The following ADGRL2 variants were observed in gnomAD, a reference collection of about 807,000 sequenced individuals.
ADGRL2 encodes the protein adhesion G protein-coupled receptor L2, also known as calcium-independent alpha-latrotoxin receptor 2.
ADGRL2 carries 44 observed loss-of-function variants against 157.4 expected under a neutral mutation model. That is an observed-to-expected ratio of 0.28 (90% confidence interval 0.22 to 0.36). The LOEUF (loss-of-function observed/expected upper bound fraction) is 0.36. Ranked by LOEUF, ADGRL2 falls within the 10% of genes least tolerant of loss-of-function variation. ADGRL2 has a pLI of 1.00. For missense variants in ADGRL2, 1,510 were observed against 1,768.9 expected (o/e 0.85, Z 2.63); for synonymous variants, 585 against 624.7 (o/e 0.94, Z 0.95).
At chr1:81,453,382 A>G (rs370784580) in intron 2 of ADGRL2, among the ~76,000 whole-genome samples, 2 of 152,214 alleles carry the variant, frequency 1.3e-5, no homozygotes, top group East Asian at 1.9e-4. Flanking sequence ...GTAAATCAGT[A>G]AGTTTACAGA....
chr1:81,657,129 G>GAATATTTGT (rs1348455575), intron 3 of ADGRL2, among the ~76,000 whole-genome samples: 1 of 152,064 alleles, frequency 6.6e-6, no homozygotes, highest in Non-Finnish European at 1.5e-5. Context: ...ATGGTGCTAT[G>GAATATTTGT]GTCTAAATAT....
chr1:81,307,189 C>G (rs1659400453), intron 1 of ADGRL2, among the ~76,000 whole-genome samples: 1 of 152,130 alleles, frequency 6.6e-6, no homozygotes, highest in Non-Finnish European at 1.5e-5. Flanking sequence ...CTTTAAAAAA[C>G]CTGAATGTTT....
chr1:81,990,393 C>T lies in ADGRL2; in HGVS notation c.3658C>T (p.His1220Tyr). The stretch of plus-strand genomic sequence containing the variant: ...TAACTCCCCCTCTTCTGTTTCAGGA[C>T]ATTCACTGAACAATGCCAGGGATAC... ...NSPATYRETR[H>Y]SLNNARDTSA... The change falls in exon 24 of 24, where the codon CAT becomes TAT. Residue 1220 changes from histidine (H) to tyrosine (Y), a missense_variant and splice_region_variant. Around this residue, in one of 4 missense-constraint regions of ADGRL2, gnomAD observed 327 missense variants for 310.1 expected, o/e 1.05. Coordinates refer to ENST00000686636, the MANE Select transcript of ADGRL2 (RefSeq NM_001366006.2). 6.2e-7 allele frequency: 1 copy of T among 1,611,510 alleles called. No homozygotes were observed. Among genetic ancestry groups the T allele is most frequent in the Non-Finnish European group, 8.5e-7 (1 of 1,178,170 alleles).
intron 2 of ADGRL2, among the ~76,000 whole-genome samples, chr1:81,509,983 A>G (rs1001049836): frequency 2.0e-5 from 3 of 152,198 alleles, no homozygotes; most frequent in Non-Finnish European, 2.9e-5. Context: ...AGTCAAGTCC[A>G]AAAAAAGAAA....
intron 1 of ADGRL2, among the ~76,000 whole-genome samples, chr1:81,359,361 A>C (rs988265382): frequency 1.2e-4 from 19 of 152,234 alleles, no homozygotes; most frequent in Non-Finnish European, 2.2e-4. Flanking sequence ...TGTAAAGCTT[A>C]CAGTCTTTAG....
intron 3 of ADGRL2, among the ~76,000 whole-genome samples, chr1:81,660,928 G>T (rs942565483): frequency 2.6e-5 from 4 of 152,186 alleles, no homozygotes; most frequent in Non-Finnish European, 4.4e-5. Context: ...TTAGAGGAGA[G>T]TTCAGGGTGA....
At chr1:81,711,277 TA>T (rs1396123465) in intron 1 of ADGRL2, among the ~76,000 whole-genome samples, 1 of 152,212 alleles carries the variant, frequency 6.6e-6, no homozygotes, top group Non-Finnish European at 1.5e-5. Flanking sequence ...ATTCATTGTT[TA>T]AAAAATATCT....
At chr1:81,467,176 C>A (rs537676190) in intron 2 of ADGRL2, among the ~76,000 whole-genome samples, 1 of 152,168 alleles carries the variant, frequency 6.6e-6, no homozygotes, top group South Asian at 2.1e-4. Context: ...GCTGTATATA[C>A]ACATCATAAC....
chr1:81,333,455 G>A lies in ADGRL2; in HGVS notation c.-302+26946G>A, dbSNP rs185444987. On this transcript the variant is annotated intron_variant, in intron 1 of 24. Transcript: ENST00000370721. ...TTTTGAGACGGAGTCTCACTCTATCGCCCAGGCTGGAGTGCAGTGGCACCA... is the reference window on the plus strand; with the variant it reads ...TTTTGAGACGGAGTCTCACTCTATCACCCAGGCTGGAGTGCAGTGGCACCA... Among the ~76,000 whole-genome samples the A allele has an allele frequency of 1.8e-4, 28 of 151,508 alleles. 1 individual carries two copies. The highest frequency in any genetic ancestry group is 6.8e-3 in the Middle Eastern group (2 of 294).
chr1:81,339,823 C>G (rs1318568919), intron 1 of ADGRL2, among the ~76,000 whole-genome samples: 2 of 152,190 alleles, frequency 1.3e-5, no homozygotes, highest in African/African-American at 2.4e-5. Flanking sequence ...TTTCCTTTCT[C>G]TGACCTAAAA....
At chr1:81,765,574 A>G (rs929362351) in intron 2 of ADGRL2, among the ~76,000 whole-genome samples, 37 of 152,020 alleles carry the variant, frequency 2.4e-4, no homozygotes, top group African/African-American at 8.2e-4. Flanking sequence ...TCAGCATTCC[A>G]ATTTTTTCTA....
intron 1 of ADGRL2, among the ~76,000 whole-genome samples, chr1:81,363,231 T>C (rs2076008198): frequency 6.6e-6 from 1 of 152,056 alleles, no homozygotes; most frequent in Admixed American, 6.5e-5. Flanking sequence ...TAGGGAACAT[T>C]GATTTAATCT....
chr1:81,871,129 C>G (rs1179804595), intron 2 of ADGRL2, among the ~76,000 whole-genome samples: 1 of 139,886 alleles, frequency 7.1e-6, no homozygotes. Context: ...GTTCCCCATC[C>G]TGTGTCCAAG....
intron 1 of ADGRL2, among the ~76,000 whole-genome samples, chr1:81,415,004 T>C (rs866758535): frequency 6.6e-6 from 1 of 152,172 alleles, no homozygotes; most frequent in African/African-American, 2.4e-5. Flanking sequence ...GACTACACAA[T>C]GCTACCAACT....
chr1:81,669,701 G>T (rs2082828538), intron 3 of ADGRL2, among the ~76,000 whole-genome samples: 1 of 152,092 alleles, frequency 6.6e-6, no homozygotes, highest in East Asian at 1.9e-4. Context: ...CCAGCACTTT[G>T]GGAGGCCAAG....
intron 1 of ADGRL2, among the ~76,000 whole-genome samples, chr1:81,381,998 G>A (rs1181413279): frequency 6.6e-6 from 1 of 152,128 alleles, no homozygotes; most frequent in African/African-American, 2.4e-5. Context: ...CAGTGGTTTA[G>A]TTTTCTCCCT....
At chr1:81,328,929 T>G (rs1350791672) in intron 1 of ADGRL2, among the ~76,000 whole-genome samples, 1 of 151,734 alleles carries the variant, frequency 6.6e-6, no homozygotes, top group Non-Finnish European at 1.5e-5. Flanking sequence ...ATTTCCTTTG[T>G]TATTAGCCAG....
intron 3 of ADGRL2, among the ~76,000 whole-genome samples, chr1:81,648,028 G>T (rs568053250): frequency 6.6e-6 from 1 of 152,262 alleles, no homozygotes; most frequent in Admixed American, 6.5e-5. Context: ...GGGTCACTAG[G>T]TGACAAAATG....
chr1:81,381,404 C>T (rs2076342168), intron 1 of ADGRL2, among the ~76,000 whole-genome samples: 2 of 151,940 alleles, frequency 1.3e-5, no homozygotes, highest in South Asian at 4.1e-4. Context: ...AACTCTTTCC[C>T]CTTGTTTAAG....
Sources: allele counts gnomAD v4.1 joint callset (sites outside exome capture counted in the v4.1 genomes callset), GRCh38; gene constraint gnomAD v4.1.1; regional missense constraint gnomAD v4.1.1; transcripts MANE v1.5; gene names NCBI Gene and HGNC (gene_info 2026-07-23, HGNC 2026-07-21).